NCOR2: variants seen among roughly 807,000 people sequenced by gnomAD.
NCOR2 encodes CTG repeat protein 26.
In NCOR2, 81 loss-of-function variants were observed where a neutral mutation model predicts 262.9. The observed-to-expected ratio is 0.31, with a 90% CI of 0.26 to 0.37. NCOR2 has a LOEUF of 0.37. Ranked by LOEUF, NCOR2 falls within the 10% of genes least tolerant of loss-of-function variation. The pLI is 1.00. For missense variants in NCOR2, 3,385 were observed against 3,621.4 expected (o/e 0.93, Z 1.68); for synonymous variants, 1,659 against 1,559.3 (o/e 1.06, Z -1.51).
chr12:124,449,383 T>G (rs540537670), intron 7 of NCOR2, among the ~76,000 whole-genome samples: 1 of 152,122 alleles, frequency 6.6e-6, no homozygotes, highest in African/African-American at 2.4e-5. Flanking sequence ...AGACACCAGG[T>G]GATTCCCAAA....
exon 20 of NCOR2, chr12:124,372,217 T>C: frequency 6.2e-7 from 1 of 1,601,710 alleles, no homozygotes. Context: ...CGGCCCCTCC[T>C]CGGCTTCCTC....
At chr12:124,356,808 TGAGG>T in intron 22 of NCOR2, 26 bp from the exon 25 acceptor site, 1 of 1,451,614 alleles carries the variant, frequency 6.9e-7, no homozygotes, top group Non-Finnish European at 9.0e-7. Context: ...GCTTCTCTGC[TGAGG>T]GCAGGAGGTG....
intron 14 of NCOR2, 109 bp downstream of exon 16, chr12:124,402,295 A>T: frequency 6.5e-7 from 1 of 1,548,446 alleles, no homozygotes. Context: ...CCCTGCTCAC[A>T]GGCAATTGGT....
chr12:124,501,103 C>T (rs1271774331), intron 1 of NCOR2, among the ~76,000 whole-genome samples: 1 of 149,874 alleles, frequency 6.7e-6, no homozygotes, highest in East Asian at 2.0e-4. Context: ...CACACACACA[C>T]ACACTCGACA....
At chr12:124,361,480 G>T (rs575460387) in intron 22 of NCOR2, among the ~76,000 whole-genome samples, 3 of 152,380 alleles carry the variant, frequency 2.0e-5, no homozygotes, top group South Asian at 2.1e-4. Flanking sequence ...AATCACGCCC[G>T]CCTGTCTCCT....
Position 124,356,633 on chromosome 12 carries a change from G to A in NCOR2, c.3241+9C>T, listed in dbSNP as rs1434003152. The stretch of plus-strand genomic sequence containing the variant: ...CTGAAGAAGCCCAAGCTCGGGCGGA[G>A]CTACTTACCAGGTGGAGCGTAGGAG... On this transcript the variant is annotated intron_variant, in intron 23 of 46. Transcript: ENST00000405201. 7.0e-7 allele frequency: 1 copy of A among 1,429,862 alleles called. No homozygotes were observed. Among genetic ancestry groups the A allele is most frequent in the African/African-American group, 1.5e-5 (1 of 67,068 alleles). The allele number at this position is 1,429,862 out of a possible 1,614,324, so 88.6% of individuals were successfully genotyped here. A position where few individuals can be genotyped will look rare whatever the true frequency, so the allele number is the denominator to read the frequency against.
intron 13 of NCOR2, among the ~76,000 whole-genome samples, chr12:124,419,497 G>A (rs574737664): frequency 6.6e-6 from 1 of 152,296 alleles, no homozygotes; most frequent in East Asian, 1.9e-4. Flanking sequence ...CTGAAAAAAC[G>A]GCGAGCTGAA....
intron 1 of NCOR2, among the ~76,000 whole-genome samples, chr12:124,511,683 G>A (rs569964012): frequency 2.7e-4 from 41 of 152,238 alleles, no homozygotes; most frequent in Non-Finnish European, 3.4e-4. Flanking sequence ...CAAGCAAGGC[G>A]TCCTTCCTGG....
In NCOR2 at chr12:124,340,014, C is replaced by T. The variant is rs201611391; in HGVS notation, c.5679G>A (p.Thr1893=). The T allele has an allele frequency of 3.3e-5, 54 of 1,612,096 alleles. No individual in the cohort carries two copies. The highest frequency in any genetic ancestry group is 2.6e-4 in the South Asian group (24 of 91,026). The stretch of plus-strand genomic sequence containing the variant: ...ATGCCAACCTGGCCCACCTCAGGAC[C>T]GTGGGCGTGCTGGGCTCCACAGCGG... Residue 1893 remains threonine (T), a synonymous_variant, in exon 37 of 47, where the codon ACG becomes ACA. Coordinates refer to ENST00000405201, the Ensembl canonical transcript of NCOR2.
At chr12:124,534,293 C>T (rs1312964127) in intron 1 of NCOR2, among the ~76,000 whole-genome samples, 2 of 152,114 alleles carry the variant, frequency 1.3e-5, no homozygotes, top group African/African-American at 2.4e-5. Context: ...CCCATCTCTA[C>T]TACAAATACA....
intron 7 of NCOR2, among the ~76,000 whole-genome samples, chr12:124,443,000 T>C (rs558345629): frequency 1.3e-5 from 2 of 152,330 alleles, no homozygotes; most frequent in East Asian, 1.9e-4. Context: ...CGCCAGGAGC[T>C]GGAACCGGCA....
intron 3 of NCOR2, among the ~76,000 whole-genome samples, chr12:124,477,824 G>C (rs1292842711): frequency 7.8e-6 from 1 of 128,380 alleles, no homozygotes; most frequent in Non-Finnish European, 1.8e-5. Flanking sequence ...CAAGTTGCCA[G>C]GGGGCAGTGG....
rs554084719 is a variant in NCOR2, at chr12:124,378,493, T to C, written c.2020-109A>G. 3.3e-5 allele frequency: 38 copies of C among 1,166,332 alleles called. 3 individuals are homozygous for C. The East Asian group carries it at 3.4e-4, about 10-fold the overall frequency. The allele number at this position is 1,166,332 out of a possible 1,614,324, so 72.2% of individuals were successfully genotyped here. ...GTGCAAAGGGCAGTGATCCCGGCCATGTAGCAATGAGGGTGACCGTCCCCC... is the reference window on the plus strand; with the variant it reads ...GTGCAAAGGGCAGTGATCCCGGCCACGTAGCAATGAGGGTGACCGTCCCCC... On this transcript the variant is annotated intron_variant, in intron 17 of 46. Coordinates refer to ENST00000405201, the Ensembl canonical transcript of NCOR2. The surrounding 1 kb of genome is among the most constrained non-coding windows in gnomAD (Gnocchi z 4.2).
chr12:124,478,695 C>T (rs1175219030), intron 3 of NCOR2, among the ~76,000 whole-genome samples: 1 of 151,918 alleles, frequency 6.6e-6, no homozygotes, highest in Non-Finnish European at 1.5e-5. Flanking sequence ...CCTTGTGGTC[C>T]AAGCAGAGAG....
intron 5 of NCOR2, among the ~76,000 whole-genome samples, chr12:124,462,361 C>A (rs2046208718): frequency 6.6e-6 from 1 of 152,220 alleles, no homozygotes; most frequent in Admixed American, 6.5e-5. Flanking sequence ...CCCAAGCCCC[C>A]AGTCCTGCAC....
At chr12:124,452,671 G>GT (rs1165863625) in intron 6 of NCOR2, among the ~76,000 whole-genome samples, 1 of 152,262 alleles carries the variant, frequency 6.6e-6, no homozygotes, top group Non-Finnish European at 1.5e-5. Flanking sequence ...AGAGGGGACA[G>GT]TGCTTCTGCG....
At chr12:124,565,818 A>G (rs953674796) in intron 1 of NCOR2, among the ~76,000 whole-genome samples, 10 of 152,214 alleles carry the variant, frequency 6.6e-5, no homozygotes, top group Admixed American at 3.9e-4. Context: ...TCACACTGCC[A>G]GGAAAGTGGC....
chr12:124,386,506 C>T (rs1593316447), intron 16 of NCOR2, among the ~76,000 whole-genome samples: 1 of 152,108 alleles, frequency 6.6e-6, no homozygotes, highest in East Asian at 1.9e-4. Context: ...CCTAAAGGCC[C>T]ACTCAGGACT....
intron 1 of NCOR2, among the ~76,000 whole-genome samples, chr12:124,533,055 C>T (rs956201566): frequency 3.5e-5 from 5 of 143,008 alleles, no homozygotes; most frequent in Non-Finnish European, 7.6e-5. Context: ...TCCTCCCCCA[C>T]CCCAGTCCCA....
Sources: allele counts gnomAD v4.1 joint callset (sites outside exome capture counted in the v4.1 genomes callset), GRCh38; gene constraint gnomAD v4.1.1; non-coding constraint Gnocchi (gnomAD v3.1); transcripts MANE v1.5; gene names NCBI Gene and HGNC (gene_info 2026-07-23, HGNC 2026-07-21).